LRRC7: variants seen among roughly 807,000 people sequenced by gnomAD.
LRRC7 encodes leucine-rich repeat-containing protein 7.
Under a neutral mutation model 175.7 loss-of-function variants are expected in LRRC7, and 23 were observed. The ratio of observed to expected loss-of-function variants is 0.13; its 90% CI spans 0.09 to 0.19. LRRC7 has a LOEUF of 0.19. Ranked by LOEUF, LRRC7 falls within the 10% of genes least tolerant of loss-of-function variation. The pLI, the probability that LRRC7 is intolerant of heterozygous loss-of-function variation, is 1.00. For missense variants in LRRC7, 1,354 were observed against 1,904.7 expected, an observed-to-expected ratio of 0.71 and a Z score of 5.38; for synonymous variants, 685 against 680.9, an observed-to-expected ratio of 1.01 and a Z score of -0.09.
In LRRC7 at chr1:70,078,808, G is replaced by GCACA. The variant is rs1553200890; in HGVS notation, c.4452+2511_4452+2512insACAC. On this transcript the variant is annotated intron_variant, in intron 24 of 26. Transcript: ENST00000651989. ...TCTACATATACGCGCGCGCGCGCGC[G>GCACA]CGCACACACACACACGCACACACAC... 5.0e-4 allele frequency among the ~76,000 whole-genome samples: 45 copies of GCACA among 90,788 alleles called. 1 individual carries two copies. Among genetic ancestry groups the GCACA allele is most frequent in the African/African-American group, 6.0e-4 (11 of 18,300 alleles). 59.6% of individuals were successfully genotyped at this position (90,788 alleles called of 152,430 possible).
chr1:69,963,627 G>A (rs961644544), intron 8 of LRRC7, among the ~76,000 whole-genome samples: 4 of 151,918 alleles, frequency 2.6e-5, no homozygotes, highest in Non-Finnish European at 5.9e-5. Flanking sequence ...AGTTTTTTGT[G>A]TTTTTTTTGG....
intron 3 of LRRC7, among the ~76,000 whole-genome samples, chr1:69,781,240 G>C (rs2101020658): frequency 6.6e-6 from 1 of 151,954 alleles, no homozygotes; most frequent in East Asian, 2.0e-4. Context: ...ATTCTTCTGG[G>C]GCCTGCGGCC....
chr1:69,905,798 G>C (rs1375163664), intron 7 of LRRC7, among the ~76,000 whole-genome samples: 1 of 152,134 alleles, frequency 6.6e-6, no homozygotes, highest in East Asian at 1.9e-4. Context: ...GGGTCAAATG[G>C]TATTTCTAAT....
At chr1:70,040,776 T>G (rs536370427) in intron 21 of LRRC7, among the ~76,000 whole-genome samples, 39 of 152,084 alleles carry the variant, frequency 2.6e-4, no homozygotes, top group African/African-American at 9.2e-4. Flanking sequence ...ATCACACCAC[T>G]GCCCTCCAGC....
chr1:69,782,571 T>C (rs1673891401), intron 3 of LRRC7, among the ~76,000 whole-genome samples: 1 of 151,688 alleles, frequency 6.6e-6, no homozygotes, highest in African/African-American at 2.4e-5. Context: ...GCTGGAGATG[T>C]GGTAATGCAG....
intron 14 of LRRC7, among the ~76,000 whole-genome samples, chr1:70,017,167 C>T (rs1367309526): frequency 6.6e-6 from 1 of 150,978 alleles, no homozygotes; most frequent in Non-Finnish European, 1.5e-5. Context: ...CCCAGCTACT[C>T]GGGAGGCTGA....
chr1:69,971,857 C>A (rs111905520), intron 8 of LRRC7, among the ~76,000 whole-genome samples: 1,528 of 152,248 alleles, frequency 0.01, 24 homozygotes, highest in African/African-American at 0.035. Context: ...CATCACATTA[C>A]CTGATTTCAA....
chr1:69,792,421 G>A (rs753000625), intron 4 of LRRC7, among the ~76,000 whole-genome samples: 31 of 151,878 alleles, frequency 2.0e-4, no homozygotes, highest in Non-Finnish European at 3.8e-4. Flanking sequence ...TTCTAGAATC[G>A]TTTACTGCCC....
intron 17 of LRRC7, among the ~76,000 whole-genome samples, 158 bp downstream of exon 17, chr1:70,023,532 AT>A (rs1657744830): frequency 6.6e-6 from 1 of 152,046 alleles, no homozygotes. Flanking sequence ...CATTTTGTTT[AT>A]TGACATTGGC....
chr1:69,885,431 T>C (rs1355141472), intron 7 of LRRC7, among the ~76,000 whole-genome samples: 13 of 144,816 alleles, frequency 9.0e-5, no homozygotes, highest in Non-Finnish European at 2.0e-4. Flanking sequence ...TCTCTGATGG[T>C]AGTTTGTATT....
chr1:70,021,483 G>T lies in LRRC7; in HGVS notation c.1545+354G>T, dbSNP rs943435596. 7.1e-5 allele frequency: 12 copies of T among 168,988 alleles called. 1 individual carries two copies. The South Asian group carries it at 8.8e-4, about 12-fold the overall frequency. The allele number at this position is 168,988 out of a possible 1,614,324, so 10.5% of individuals were successfully genotyped here. On this transcript the variant is annotated intron_variant, in intron 16 of 26. Transcript: ENST00000651989. Reference sequence around the variant, plus strand: ...TACGATGATTTTTTTTAATCACTGAGCAAAGCGTCATGCAGACTGAATAAG... The same window carrying T: ...TACGATGATTTTTTTTAATCACTGATCAAAGCGTCATGCAGACTGAATAAG...
intron 2 of LRRC7, among the ~76,000 whole-genome samples, chr1:69,743,497 T>A (rs1668936066): frequency 6.6e-6 from 1 of 151,876 alleles, no homozygotes; most frequent in African/African-American, 2.4e-5. Flanking sequence ...AGGAAACCAA[T>A]TAGAAAGCAA....
At chr1:69,635,450 T>C (rs1481166130) in intron 1 of LRRC7, among the ~76,000 whole-genome samples, 1 of 152,088 alleles carries the variant, frequency 6.6e-6, no homozygotes, top group Non-Finnish European at 1.5e-5. Context: ...ATTTTGAGAA[T>C]CTAAAATAGA....
In LRRC7 at chr1:69,907,470, AG is replaced by A. The variant is rs529087160; in HGVS notation, c.648-24034del. Reference sequence around the variant, plus strand: ...AATTTATTGAGAGTTTTTAGCATGAAGGGTTGTTGAATTTTGTCAAAGGCCT... The same window carrying A: ...AATTTATTGAGAGTTTTTAGCATGAAGGTTGTTGAATTTTGTCAAAGGCCT... On this transcript the variant is annotated intron_variant, in intron 7 of 26. Transcript: ENST00000651989. Among the ~76,000 whole-genome samples, 743 of 152,252 alleles carry A rather than the reference AG, an allele frequency of 4.9e-3. 11 individuals are homozygous for A. Among genetic ancestry groups the A allele is most frequent in the African/African-American group, 0.016 (683 of 41,532 alleles).
intron 1 of LRRC7, among the ~76,000 whole-genome samples, chr1:69,669,814 C>T (rs1345657344): frequency 1.3e-5 from 2 of 152,044 alleles, no homozygotes; most frequent in Admixed American, 6.6e-5. Context: ...TTCATGCTGA[C>T]TAATTGTTTT....
At chr1:69,765,031 A>G (rs1006373796) in intron 3 of LRRC7, among the ~76,000 whole-genome samples, 2 of 152,084 alleles carry the variant, frequency 1.3e-5, no homozygotes, top group African/African-American at 2.4e-5. Context: ...CTAGGAAAAC[A>G]TTCCCTGGTC....
chr1:70,018,648 G>A (rs1657169869), intron 14 of LRRC7, 71 bp from the exon 15 acceptor site: 1 of 991,640 alleles, frequency 1.0e-6, no homozygotes. Context: ...ATTTATCTGA[G>A]TGAGACCAGA....
chr1:70,039,642 A>G lies in LRRC7; in HGVS notation c.3818A>G (p.Tyr1273Cys), dbSNP rs1659687639. The change falls in exon 21 of 27, where the codon TAT becomes TGT. Residue 1273 changes from tyrosine to cysteine, a missense_variant. Around this residue, in one of 4 missense-constraint regions of LRRC7, gnomAD observed 1,032 missense variants for 1,227.2 expected, o/e 0.84. Transcript: ENST00000651989. Reference sequence around the variant, plus strand: ...CTTTTGGAAAAAATACCATCTGACTATAACTTGGGTAACTATGGTGACAAG... The same window carrying G: ...CTTTTGGAAAAAATACCATCTGACTGTAACTTGGGTAACTATGGTGACAAG... Reference protein sequence around the residue: ...AALLEKIPSDYNLGNYGDKPS... With the variant: ...AALLEKIPSDCNLGNYGDKPS... 6.2e-7 allele frequency: 1 copy of G among 1,614,152 alleles called. No homozygotes were observed.
intron 2 of LRRC7, among the ~76,000 whole-genome samples, chr1:69,736,639 G>A (rs1426992249): frequency 2.6e-5 from 4 of 152,020 alleles, no homozygotes; most frequent in Non-Finnish European, 5.9e-5. Context: ...GTGTGTGTGT[G>A]GTGAATAAAT....
Sources: allele counts gnomAD v4.1 joint callset (sites outside exome capture counted in the v4.1 genomes callset), GRCh38; gene constraint gnomAD v4.1.1; regional missense constraint gnomAD v4.1.1; transcripts MANE v1.5; gene names NCBI Gene and HGNC (gene_info 2026-07-23, HGNC 2026-07-21).